Variants in KDM4C observed in about 807,000 individuals in gnomAD.
KDM4C encodes lysine-specific demethylase 4C.
A neutral mutation model predicts 129.3 loss-of-function variants in KDM4C; 81 were observed. The ratio of observed to expected loss-of-function variants is 0.63; its 90% confidence interval spans 0.52 to 0.75. The LOEUF (loss-of-function observed/expected upper bound fraction) is 0.75. Among genes scored for constraint, KDM4C ranks in the 30% least tolerant of loss-of-function variants. The probability of loss-of-function intolerance (pLI) is 0.00; values close to 1 mark genes in which losing one functional copy is unlikely to be tolerated. For missense variants in KDM4C, 1,457 were observed against 1,304.0 expected (o/e 1.12, Z -1.81); for synonymous variants, 573 against 456.1 (o/e 1.26, Z -3.26).
chr9:7,028,557 A>G (rs1032357080), intron 15 of KDM4C, among the ~76,000 whole-genome samples: 1 of 151,836 alleles, frequency 6.6e-6, no homozygotes, highest in Non-Finnish European at 1.5e-5. Context: ...TTGAGGTCGG[A>G]GGTGGCACAA....
chr9:7,107,958 G>T (rs1837886658), intron 18 of KDM4C, among the ~76,000 whole-genome samples: 2 of 152,250 alleles, frequency 1.3e-5, no homozygotes, highest in Admixed American at 1.3e-4. Flanking sequence ...ATGCTAGGGA[G>T]TGGGATTAGT....
rs533237150 is a variant in KDM4C at position 6,945,203 on chromosome 9, T to G, written c.922-35722T>G. On this transcript the variant is annotated intron_variant, in intron 8 of 21. Transcript: ENST00000381309. ...ATGCTTACACACAAGGAAGCTTGTT[T>G]TCTCTCTCATTTTTTCCTTGTTAGT... is the stretch of plus-strand genomic sequence containing the variant. Among the ~76,000 whole-genome samples, 3 of 152,310 alleles carry G rather than the reference T, an allele frequency of 2.0e-5. No homozygotes were observed. The South Asian group carries it at 6.2e-4, about 32-fold the overall frequency.
intron 5 of KDM4C, among the ~76,000 whole-genome samples, chr9:6,867,653 A>G (rs181599477): frequency 1.5e-3 from 225 of 152,286 alleles, no homozygotes; most frequent in African/African-American, 5.2e-3. Context: ...CATTGCATCT[A>G]TGTTTGGTAA....
intron 1 of KDM4C, among the ~76,000 whole-genome samples, chr9:6,765,195 G>A (rs1820371171): frequency 1.3e-5 from 2 of 152,074 alleles, no homozygotes; most frequent in African/African-American, 4.8e-5. Flanking sequence ...TCTACCCCAA[G>A]CTCCACCCAT....
Position 6,807,158 on chromosome 9 carries a change from G to T in KDM4C, c.320+1384G>T, listed in dbSNP as rs1269755655. Among the ~76,000 whole-genome samples, 7 of 152,094 alleles carry T rather than the reference G, an allele frequency of 4.6e-5. 1 individual carries two copies. Among genetic ancestry groups the T allele is most frequent in the Non-Finnish European group, 1.0e-4 (7 of 67,978 alleles). The stretch of plus-strand genomic sequence containing the variant: ...GCCAGCCTCGGCCTCCCGAGGTGCC[G>T]GGATTGCAGACGGAGTCTCGTTCAC... On this transcript the variant is annotated intron_variant, in intron 3 of 21. Transcript: ENST00000381309.
chr9:7,035,018 T>A (rs1827388265), intron 15 of KDM4C, among the ~76,000 whole-genome samples: 2 of 152,102 alleles, frequency 1.3e-5, no homozygotes, highest in Non-Finnish European at 2.9e-5. Context: ...TTCTTTTTGT[T>A]TGTTTGTTTT....
intron 21 of KDM4C, among the ~76,000 whole-genome samples, chr9:7,173,888 G>GA (rs1231282935): frequency 7.9e-5 from 12 of 152,204 alleles, no homozygotes; most frequent in African/African-American, 2.7e-4. Flanking sequence ...TGCAGACACT[G>GA]AAGCCAGGGG....
chr9:6,874,892 C>T (rs1246326351), intron 5 of KDM4C, among the ~76,000 whole-genome samples: 1 of 150,440 alleles, frequency 6.6e-6, no homozygotes, highest in Non-Finnish European at 1.5e-5. Flanking sequence ...GAGTTTGAGA[C>T]CAGCTTGGGC....
chr9:6,833,155 G>T (rs992102435), intron 4 of KDM4C, among the ~76,000 whole-genome samples: 5 of 151,952 alleles, frequency 3.3e-5, no homozygotes, highest in African/African-American at 1.2e-4. Context: ...CTTTAAAGGG[G>T]GGCTTCATAT....
At chr9:7,046,291 C>T (rs1040832741) in intron 15 of KDM4C, among the ~76,000 whole-genome samples, 5 of 151,856 alleles carry the variant, frequency 3.3e-5, no homozygotes, top group African/African-American at 9.7e-5. Context: ...TTTCTCGGGC[C>T]GGATAGCTGG....
At chr9:7,005,506 T>A (rs1821501491) in intron 12 of KDM4C, among the ~76,000 whole-genome samples, 1 of 150,956 alleles carries the variant, frequency 6.6e-6, no homozygotes, top group African/African-American at 2.5e-5. Flanking sequence ...CCTTTGTTTC[T>A]ACTCTAATTT....
At chr9:6,878,350 A>G (rs1232147450) in intron 5 of KDM4C, among the ~76,000 whole-genome samples, 3 of 152,230 alleles carry the variant, frequency 2.0e-5, no homozygotes, top group Non-Finnish European at 4.4e-5. Flanking sequence ...TTGAAAAGAA[A>G]TTGAGACACT....
At chr9:6,746,708 C>A (rs13295619) in intron 1 of KDM4C, among the ~76,000 whole-genome samples, 1 of 144,540 alleles carries the variant, frequency 6.9e-6, no homozygotes. Context: ...GGCAAAACCT[C>A]GTCTCTAAGA....
At chr9:6,734,748 T>C in intron 1 of KDM4C, 1 of 355,200 alleles carries the variant, frequency 2.8e-6, no homozygotes, top group Admixed American at 3.7e-5. Flanking sequence ...ATGTGACTTG[T>C]ATATAAGCCT....
At chr9:6,819,093 T>C (rs1209037819) in intron 4 of KDM4C, 1 of 152,222 alleles carries the variant, frequency 6.6e-6, no homozygotes, top group East Asian at 1.9e-4. Flanking sequence ...TTTTTTCTTT[T>C]AAGATAATTA....
intron 1 of KDM4C, among the ~76,000 whole-genome samples, chr9:6,774,388 G>A (rs1323633224): frequency 6.6e-6 from 1 of 152,100 alleles, no homozygotes; most frequent in Non-Finnish European, 1.5e-5. Flanking sequence ...TTTTACGCTG[G>A]GCGTGGTGGC....
chr9:7,131,237 T>G (rs1329529146), intron 19 of KDM4C, among the ~76,000 whole-genome samples: 6 of 152,178 alleles, frequency 3.9e-5, no homozygotes, highest in African/African-American at 1.4e-4. Flanking sequence ...TTCAATCGTG[T>G]TGTGTTTCAA....
At chr9:7,097,764 T>G (rs1021883881) in intron 17 of KDM4C, among the ~76,000 whole-genome samples, 3 of 152,266 alleles carry the variant, frequency 2.0e-5, no homozygotes, top group African/African-American at 7.2e-5. Context: ...ATAGCTGTTT[T>G]TTATACCAAA....
chr9:6,898,333 C>T (rs764825286), intron 8 of KDM4C, among the ~76,000 whole-genome samples: 4 of 152,116 alleles, frequency 2.6e-5, no homozygotes, highest in Non-Finnish European at 4.4e-5. Context: ...GTCTTGGGGA[C>T]AGTCATATCT....
Sources: gnomAD v4.1 joint callset for allele counts (sites outside exome capture counted in the v4.1 genomes callset) on GRCh38, gnomAD v4.1.1 for gene constraint, MANE v1.5 for transcripts, NCBI Gene and HGNC (gene_info 2026-07-23, HGNC 2026-07-21) for gene names.